RAD51B: variants seen among roughly 807,000 people sequenced by gnomAD.
The protein encoded by RAD51B is DNA repair protein RAD51 homolog 2.
Under a neutral mutation model 42.2 loss-of-function variants are expected in RAD51B, and 38 were observed. That is an observed-to-expected ratio of 0.90 (90% CI 0.70 to 1.18). The LOEUF is 1.18. Among genes scored for constraint, RAD51B ranks in the 50% most tolerant of loss-of-function variants. The pLI is 0.00. For synonymous variants in RAD51B, 154 were observed against 145.2 expected, an observed-to-expected ratio of 1.06 and a Z score of -0.43; for missense variants, 373 against 400.7, an observed-to-expected ratio of 0.93 and a Z score of 0.59.
intron 7 of RAD51B, among the ~76,000 whole-genome samples, chr14:68,017,622 A>T (rs1051355906): frequency 6.6e-6 from 1 of 152,290 alleles, no homozygotes; most frequent in Admixed American, 6.5e-5. Flanking sequence ...ACAGTCTATC[A>T]TAGATTTTCA....
At chr14:68,125,469 C>T (rs2077737755) in intron 7 of RAD51B, 1 of 152,126 alleles carries the variant, frequency 6.6e-6, no homozygotes, top group Non-Finnish European at 1.5e-5. Flanking sequence ...TTCTCAGTGC[C>T]CTGTGTTCAT....
chr14:68,218,684 A>C (rs1453172728), intron 7 of RAD51B, among the ~76,000 whole-genome samples: 1 of 152,242 alleles, frequency 6.6e-6, no homozygotes, highest in Non-Finnish European at 1.5e-5. Flanking sequence ...ACTGTGAAAA[A>C]CTGCCCTGCT....
At chr14:67,927,503 C>T (rs547716606) in intron 7 of RAD51B, among the ~76,000 whole-genome samples, 4 of 152,222 alleles carry the variant, frequency 2.6e-5, no homozygotes, top group East Asian at 3.9e-4. Context: ...ACCACCCTTC[C>T]GAGTCTCTGG....
At chr14:68,528,369 A>G (rs1466766862) in intron 10 of RAD51B, among the ~76,000 whole-genome samples, 1 of 152,202 alleles carries the variant, frequency 6.6e-6, no homozygotes, top group Non-Finnish European at 1.5e-5. Flanking sequence ...TTCTTCCTCT[A>G]TGGTTTAATT....
chr14:68,520,145 C>T (rs1002479822), intron 10 of RAD51B, among the ~76,000 whole-genome samples: 2 of 152,160 alleles, frequency 1.3e-5, no homozygotes, highest in African/African-American at 4.8e-5. Context: ...GCACTTTCCT[C>T]CTAAGCACAA....
At chr14:68,190,462 A>G (rs1031738692) in intron 7 of RAD51B, among the ~76,000 whole-genome samples, 2 of 152,230 alleles carry the variant, frequency 1.3e-5, no homozygotes, top group African/African-American at 4.8e-5. Flanking sequence ...TTTAAAAAAC[A>G]TGTCCACCAA....
intron 11 of RAD51B, among the ~76,000 whole-genome samples, chr14:68,675,240 A>AG (rs1395680005): frequency 6.6e-6 from 1 of 152,124 alleles, no homozygotes; most frequent in Non-Finnish European, 1.5e-5. Flanking sequence ...GGAGTTGGGG[A>AG]GGGGTCTAAA....
At chr14:68,540,641 A>G (rs1202943084) in intron 10 of RAD51B, 2 of 985,232 alleles carry the variant, frequency 2.0e-6, no homozygotes, top group Non-Finnish European at 1.2e-6. Flanking sequence ...ACCTGGGGAG[A>G]CCTGAAACAA....
At chr14:68,508,531 T>C (rs144357587) in intron 10 of RAD51B, among the ~76,000 whole-genome samples, 1 of 152,336 alleles carries the variant, frequency 6.6e-6, no homozygotes, top group Non-Finnish European at 1.5e-5. Flanking sequence ...TCTATGATTC[T>C]ATTCAAGGCC....
chr14:68,213,406 A>G (rs866117839), intron 7 of RAD51B, among the ~76,000 whole-genome samples: 6 of 152,324 alleles, frequency 3.9e-5, no homozygotes, highest in African/African-American at 1.2e-4. Context: ...CCATTTGTCT[A>G]TCACCAAAGC....
chr14:68,492,985 CTCTCTGA>C (rs1884198419), intron 10 of RAD51B, among the ~76,000 whole-genome samples: 1 of 152,188 alleles, frequency 6.6e-6, no homozygotes, highest in Non-Finnish European at 1.5e-5. Flanking sequence ...AAGCTGCAGC[CTCTCTGA>C]TCCTTTGAGA....
chr14:68,280,960 G>C (rs2081309435), intron 7 of RAD51B, among the ~76,000 whole-genome samples: 1 of 152,098 alleles, frequency 6.6e-6, no homozygotes, highest in African/African-American at 2.4e-5. Flanking sequence ...TTGTGTCTGA[G>C]GTGGGAGGAA....
chr14:68,398,251 A>G (rs1477679160), intron 8 of RAD51B, among the ~76,000 whole-genome samples: 1 of 152,232 alleles, frequency 6.6e-6, no homozygotes, highest in Non-Finnish European at 1.5e-5. Context: ...GATTGTATCC[A>G]TGTTGTGGGA....
intron 10 of RAD51B, among the ~76,000 whole-genome samples, chr14:68,591,455 A>T (rs1310193026): frequency 3.3e-5 from 5 of 152,188 alleles, no homozygotes; most frequent in Non-Finnish European, 7.3e-5. Flanking sequence ...TTCTGAATAC[A>T]CACCCCCAAT....
At chr14:67,912,480 C>A (rs570205597) in intron 7 of RAD51B, among the ~76,000 whole-genome samples, 3 of 152,110 alleles carry the variant, frequency 2.0e-5, no homozygotes, top group Admixed American at 6.6e-5. Flanking sequence ...TATGAACCCA[C>A]GGCTGGTGCT....
intron 11 of RAD51B, among the ~76,000 whole-genome samples, chr14:68,673,630 A>G (rs961031166): frequency 6.6e-6 from 1 of 150,834 alleles, no homozygotes; most frequent in Non-Finnish European, 1.5e-5. Context: ...CATACTGTGC[A>G]CACACATATG....
chr14:68,414,708 C>T (rs1301557602), intron 9 of RAD51B, among the ~76,000 whole-genome samples: 1 of 151,742 alleles, frequency 6.6e-6, no homozygotes, highest in Non-Finnish European at 1.5e-5. Context: ...AAAGGTGAGA[C>T]TTGAGTATTA....
At chr14:68,182,561 T>C (rs1021329235) in intron 7 of RAD51B, among the ~76,000 whole-genome samples, 2 of 152,218 alleles carry the variant, frequency 1.3e-5, no homozygotes, top group African/African-American at 4.8e-5. Context: ...TTGTATGTGT[T>C]TGCACATGCA....
At chr14:67,903,614 T>C (rs1239345657) in intron 7 of RAD51B, among the ~76,000 whole-genome samples, 2 of 152,172 alleles carry the variant, frequency 1.3e-5, no homozygotes, top group Admixed American at 6.5e-5. Context: ...AGAACCCTAA[T>C]CGTGTTTTGG....
Sources: allele counts gnomAD v4.1 joint callset (sites outside exome capture counted in the v4.1 genomes callset), GRCh38; gene constraint gnomAD v4.1.1; transcripts MANE v1.5; gene names NCBI Gene and HGNC (gene_info 2026-07-23, HGNC 2026-07-21).